TFDP2: variants seen among roughly 807,000 people sequenced by gnomAD.
TFDP2 encodes the protein transcription factor Dp-2, also known as transcription factor Dp-2 (E2F dimerization partner 2).
TFDP2 carries 17 observed loss-of-function variants against 59.3 expected under a neutral mutation model. That is an observed-to-expected ratio of 0.29 (90% CI 0.20 to 0.43). The LOEUF is 0.43. Among genes scored for constraint, TFDP2 ranks in the 20% least tolerant of loss-of-function variants. The probability of loss-of-function intolerance (pLI) is 1.00; values close to 1 mark genes in which losing one functional copy is unlikely to be tolerated. For synonymous variants in TFDP2, 180 were observed against 194.7 expected, an observed-to-expected ratio of 0.92 and a Z score of 0.63; for missense variants, 391 against 528.8, an observed-to-expected ratio of 0.74 and a Z score of 2.56.
intron 1 of TFDP2, among the ~76,000 whole-genome samples, chr3:142,110,029 G>A (rs80314474): frequency 0.045 from 6,883 of 152,052 alleles, 233 homozygotes; most frequent in Non-Finnish European, 0.072. Flanking sequence ...AGGTGCGGGC[G>A]CATGCCACCA....
At chr3:142,097,427 A>G (rs1350463614) in intron 2 of TFDP2, among the ~76,000 whole-genome samples, 1 of 152,238 alleles carries the variant, frequency 6.6e-6, no homozygotes, top group African/African-American at 2.4e-5. Context: ...ACCATGGCTC[A>G]TGCCTGTAAT....
chr3:142,062,207 C>T (rs2059939506), intron 3 of TFDP2, among the ~76,000 whole-genome samples: 1 of 151,946 alleles, frequency 6.6e-6, no homozygotes, highest in Non-Finnish European at 1.5e-5. Context: ...GAATACAGTA[C>T]ACAATCTATA....
chr3:141,961,238 T>G (rs13092381), intron 10 of TFDP2, among the ~76,000 whole-genome samples: 6 of 96,454 alleles, frequency 6.2e-5, no homozygotes, highest in Non-Finnish European at 1.1e-4. Context: ...TTTTTTGTTG[T>G]TTTTTTTTTT....
At chr3:141,983,375 G>A (rs1941695683) in intron 6 of TFDP2, among the ~76,000 whole-genome samples, 1 of 152,182 alleles carries the variant, frequency 6.6e-6, no homozygotes, top group African/African-American at 2.4e-5. Context: ...AGTGGCTCGT[G>A]CCTGTAATCC....
In TFDP2 at chr3:142,146,176, A is replaced by G. The variant is rs944078118; in HGVS notation, c.-93+3007T>C. ...AAATCAGGATTTTTTTAATGTCAAC[A>G]GACTAGAAGCAATCTTACAAAATAA... On this transcript the variant is annotated intron_variant, in intron 1 of 12. Transcript: ENST00000489671. Among the ~76,000 whole-genome samples the G allele has an allele frequency of 4.6e-5, 7 of 152,314 alleles. No individual in the cohort carries two copies. The East Asian group carries it at 5.8e-4, about 13-fold the overall frequency.
chr3:141,976,745 G>C (rs1237954134), intron 7 of TFDP2, among the ~76,000 whole-genome samples: 1 of 151,754 alleles, frequency 6.6e-6, no homozygotes, highest in East Asian at 1.9e-4. Flanking sequence ...ATCATTGTGA[G>C]AACCATGGCT....
At chr3:142,063,313 T>A (rs941385015) in intron 3 of TFDP2, among the ~76,000 whole-genome samples, 3 of 152,188 alleles carry the variant, frequency 2.0e-5, no homozygotes, top group Non-Finnish European at 4.4e-5. Context: ...AAATCTGAGC[T>A]CTTAAATTTT....
At chr3:141,996,144 T>C (rs1943254270) in intron 4 of TFDP2, among the ~76,000 whole-genome samples, 1 of 152,114 alleles carries the variant, frequency 6.6e-6, no homozygotes, top group Non-Finnish European at 1.5e-5. Flanking sequence ...AAAGGTACCT[T>C]ATATGTGTTA....
Position 142,149,295 on chromosome 3 carries a change from C to A in TFDP2, c.-205G>T. 1 of 395,898 alleles carries A rather than the reference C, an allele frequency of 2.5e-6. No individual in the cohort carries two copies. The highest frequency in any genetic ancestry group is 1.3e-4 in the South Asian group (1 of 7,650). 24.5% of individuals were successfully genotyped at this position (395,898 alleles called of 1,614,324 possible). On this transcript the variant is annotated 5_prime_UTR_variant, in exon 1 of 13. Transcript: ENST00000489671. ...GCCCGCGCTTAGGCGGCGGCCGGGT[C>A]CCGGTGGACTCACACCCGGGGAGAC...
chr3:141,996,728 G>C (rs1250885679), intron 4 of TFDP2, among the ~76,000 whole-genome samples: 1 of 152,176 alleles, frequency 6.6e-6, no homozygotes, highest in African/African-American at 2.4e-5. Context: ...TTAAAGTCTA[G>C]TCAACATTTA....
intron 3 of TFDP2, among the ~76,000 whole-genome samples, chr3:142,077,968 C>T (rs538702009): frequency 6.6e-6 from 1 of 152,102 alleles, no homozygotes; most frequent in South Asian, 2.1e-4. Context: ...AGGGTGAGTC[C>T]CAGGCCTGGC....
chr3:141,979,125 A>G (rs1471085428), intron 6 of TFDP2, among the ~76,000 whole-genome samples: 1 of 152,218 alleles, frequency 6.6e-6, no homozygotes, highest in African/African-American at 2.4e-5. Context: ...ATACAACAGT[A>G]GTCCAATAAG....
chr3:141,953,898 C>T (rs975934226), intron 11 of TFDP2, among the ~76,000 whole-genome samples: 3 of 151,232 alleles, frequency 2.0e-5, no homozygotes, highest in Non-Finnish European at 4.4e-5. Context: ...GGGCTGAGCA[C>T]GGTGGCTCAC....
rs143438378 is a variant in TFDP2, at chr3:141,958,352, A to G, written c.1051+1322T>C. Among the ~76,000 whole-genome samples the G allele has an allele frequency of 7.9e-5, 12 of 152,370 alleles. No homozygotes were observed. The East Asian group carries it at 2.3e-3, about 29-fold the overall frequency. Reference sequence around the variant, plus strand: ...TATATTAAATCACATGGATGACTCTAAAGAACATAATATCGAGTGAAAAAA... The same window carrying G: ...TATATTAAATCACATGGATGACTCTGAAGAACATAATATCGAGTGAAAAAA... On this transcript the variant is annotated intron_variant, in intron 11 of 12. Transcript: ENST00000489671.
At chr3:141,968,180 G>A (rs954870648) in intron 9 of TFDP2, among the ~76,000 whole-genome samples, 1 of 132,272 alleles carries the variant, frequency 7.6e-6, no homozygotes, top group Non-Finnish European at 1.6e-5. Context: ...GGAATAAACT[G>A]TCAGTTTCAG....
In TFDP2 at chr3:142,021,328, C is replaced by A. The variant is rs186006134; in HGVS notation, c.83-15784G>T. ...AAAGATAAGGACAGAAAATCTGACA[C>A]GCACATTCCTACATATCACATACAC... is the stretch of plus-strand genomic sequence containing the variant. On this transcript the variant is annotated intron_variant, in intron 3 of 12. Transcript: ENST00000489671. Among the ~76,000 whole-genome samples the A allele has an allele frequency of 1.0e-3, 152 of 152,254 alleles. 1 individual carries two copies. Among genetic ancestry groups the A allele is most frequent in the African/African-American group, 3.4e-3 (143 of 41,550 alleles).
chr3:142,058,436 C>T (rs2059812105), intron 3 of TFDP2, among the ~76,000 whole-genome samples: 1 of 151,870 alleles, frequency 6.6e-6, no homozygotes, highest in African/African-American at 2.4e-5. Context: ...GCCCAGACCT[C>T]ACAGACTAAG....
chr3:142,098,388 T>C (rs983168247), intron 2 of TFDP2, among the ~76,000 whole-genome samples: 14 of 151,378 alleles, frequency 9.2e-5, no homozygotes, highest in Non-Finnish European at 1.6e-4. Flanking sequence ...TACTATTTGA[T>C]AGCAATTTCA....
intron 3 of TFDP2, among the ~76,000 whole-genome samples, chr3:142,045,004 C>T (rs1947257276): frequency 6.6e-6 from 1 of 152,094 alleles, no homozygotes. Flanking sequence ...CTGCTATCTT[C>T]TACATATTTT....
Sources: gnomAD v4.1 joint callset for allele counts (sites outside exome capture counted in the v4.1 genomes callset) on GRCh38, gnomAD v4.1.1 for gene constraint, MANE v1.5 for transcripts, NCBI Gene and HGNC (gene_info 2026-07-23, HGNC 2026-07-21) for gene names.